Variants in EPB41L1 observed in about 807,000 individuals in gnomAD.
The protein encoded by EPB41L1 is band 4.1-like protein 1.
A neutral mutation model predicts 97.8 loss-of-function variants in EPB41L1; 29 were observed. The ratio of observed to expected loss-of-function variants is 0.30; its 90% CI spans 0.22 to 0.40. The LOEUF (loss-of-function observed/expected upper bound fraction) is 0.40, where lower values mean the gene tolerates loss of function less well. Ranked by LOEUF, EPB41L1 falls within the 10% of genes least tolerant of loss-of-function variation. The probability of loss-of-function intolerance (pLI) is 1.00; values close to 1 mark genes in which losing one functional copy is unlikely to be tolerated. For missense variants in EPB41L1, 812 were observed against 1,162.3 expected, an observed-to-expected ratio of 0.70 and a Z score of 4.38; for synonymous variants, 383 against 459.2, an observed-to-expected ratio of 0.83 and a Z score of 2.12.
chr20:36,223,873 T>A (rs1423523957), intron 21 of EPB41L1, among the ~76,000 whole-genome samples: 1 of 152,186 alleles, frequency 6.6e-6, no homozygotes, highest in East Asian at 1.9e-4. Flanking sequence ...CTTCACACAT[T>A]TCATGGGCTC....
chr20:36,179,632 C>T (rs1204882927), intron 5 of EPB41L1, among the ~76,000 whole-genome samples: 2 of 152,228 alleles, frequency 1.3e-5, no homozygotes, highest in Non-Finnish European at 2.9e-5. Context: ...GGAGACCTGG[C>T]GCCTCGAGGC....
chr20:36,109,938 G>GTT (rs35320427), intron 1 of EPB41L1: 18 of 137,256 alleles, frequency 1.3e-4, no homozygotes, highest in Middle Eastern at 3.8e-3. Context: ...TCTTGACATT[G>GTT]TTTTTTTTTT....
intron 21 of EPB41L1, among the ~76,000 whole-genome samples, chr20:36,222,739 C>T (rs985796898): frequency 6.6e-6 from 1 of 152,144 alleles, no homozygotes; most frequent in African/African-American, 2.4e-5. Context: ...TCCTCATTAT[C>T]TCCTTGGGCA....
chr20:36,223,677 A>T (rs1199705516), intron 21 of EPB41L1, among the ~76,000 whole-genome samples: 1 of 152,184 alleles, frequency 6.6e-6, no homozygotes, highest in East Asian at 1.9e-4. Context: ...CTGATTTTCT[A>T]TCTGAGAAAA....
At chr20:36,228,787 C>T (rs1027157196) in intron 21 of EPB41L1, among the ~76,000 whole-genome samples, 4 of 151,992 alleles carry the variant, frequency 2.6e-5, no homozygotes, top group Non-Finnish European at 2.9e-5. Context: ...AGCAAGCCCA[C>T]GGACAACAGA....
chr20:36,178,666 A>T lies in EPB41L1; in HGVS notation c.484A>T (p.Ile162Phe). 6.2e-7 allele frequency: 1 copy of T among 1,614,108 alleles called. No individual in the cohort carries two copies. Among genetic ancestry groups the T allele is most frequent in the Non-Finnish European group, 8.5e-7 (1 of 1,179,984 alleles). Residue 162 changes from isoleucine (I) to phenylalanine (F), a missense_variant, in exon 5 of 22, where the codon ATC (isoleucine) becomes TTC (phenylalanine). Ile to Phe is a conservative substitution (Grantham distance 21). Coordinates refer to ENST00000338074, the MANE Select transcript of EPB41L1 (RefSeq NM_012156.2). ...CCCCTCCAAGGAGATCAAGAAGCAG[A>T]TCCGGAGTGAGTGGCTTGTTGTGTT... is the stretch of plus-strand genomic sequence containing the variant. ...LDPSKEIKKQ[I>F]RSSPWNFAFT...
intron 2 of EPB41L1, among the ~76,000 whole-genome samples, chr20:36,131,691 G>C (rs896520085): frequency 3.9e-5 from 6 of 152,138 alleles, no homozygotes; most frequent in Admixed American, 2.0e-4. Context: ...GGTAAGCCAG[G>C]ATGACAATGG....
chr20:36,134,143 C>T (rs982033698), intron 2 of EPB41L1, among the ~76,000 whole-genome samples: 9 of 152,050 alleles, frequency 5.9e-5, no homozygotes, highest in Non-Finnish European at 1.2e-4. Context: ...GGGATTTGAA[C>T]CCAGGTCTGT....
chr20:36,099,002 C>G (rs2057922667), intron 1 of EPB41L1, among the ~76,000 whole-genome samples: 1 of 152,126 alleles, frequency 6.6e-6, no homozygotes, highest in Admixed American at 6.5e-5. Context: ...AACGCTGTCT[C>G]TACTAAAAAT....
intron 13 of EPB41L1, among the ~76,000 whole-genome samples, chr20:36,197,343 G>A (rs181025477): frequency 6.4e-4 from 98 of 152,334 alleles, no homozygotes; most frequent in Non-Finnish European, 1.2e-3. Flanking sequence ...TAAGTACAGT[G>A]GCCCAAGTCT....
intron 2 of EPB41L1, among the ~76,000 whole-genome samples, chr20:36,119,517 G>C (rs375275229): frequency 6.6e-6 from 1 of 152,114 alleles, no homozygotes; most frequent in Non-Finnish European, 1.5e-5. Context: ...CAGGAGAATC[G>C]CTTGAACCTG....
At chr20:36,224,970 T>C (rs1393773858) in intron 21 of EPB41L1, among the ~76,000 whole-genome samples, 1 of 152,136 alleles carries the variant, frequency 6.6e-6, no homozygotes, top group East Asian at 1.9e-4. Flanking sequence ...TACAGGCGTG[T>C]GCTACCACAC....
At chr20:36,218,759 G>A in intron 17 of EPB41L1, 117 bp from the exon 18 acceptor site, 1 of 923,322 alleles carries the variant, frequency 1.1e-6, no homozygotes, top group East Asian at 2.6e-5. Context: ...TCAGTCCTTT[G>A]CTTCTATTAT....
rs141870527 is a variant in EPB41L1, at chr20:36,172,299, G to A, written c.-14-1465G>A. ...TCACCATGTTGGCCAGGCTAGTCTC[G>A]AACTCCTGACCTCAGGTGATCTGCC... On this transcript the variant is annotated intron_variant, in intron 1 of 21. Transcript: ENST00000338074. 7.3e-3 allele frequency among the ~76,000 whole-genome samples: 1,115 copies of A among 151,960 alleles called. 13 individuals carry two copies. Among genetic ancestry groups the A allele is most frequent in the African/African-American group, 0.025 (1,056 of 41,462 alleles).
At chr20:36,219,159 C>A (rs2063623795) in intron 18 of EPB41L1, among the ~76,000 whole-genome samples, 197 bp downstream of exon 18, 1 of 152,204 alleles carries the variant, frequency 6.6e-6, no homozygotes, top group African/African-American at 2.4e-5. Flanking sequence ...GCCCTCCCCA[C>A]CGCCCACACA....
rs2063017890 is a variant in EPB41L1 at position 36,209,632 on chromosome 20, T to C, written c.1813T>C (p.Cys605Arg). The C allele has an allele frequency of 6.2e-7, 1 of 1,614,040 alleles. No homozygotes were observed. The highest frequency in any genetic ancestry group is 1.1e-5 in the South Asian group (1 of 91,078). ...KDNHLAIERK[C>R]SSITVSSTSS... ...CAACCACCTGGCCATTGAGCGCAAG[T>C]GCTCCAGCATCACGGTCAGCTCTAC... The change falls in exon 15 of 22, where the codon TGC (cysteine) becomes CGC (arginine). Residue 605 changes from cysteine to arginine, a missense_variant. Around this residue, in one of 3 missense-constraint regions of EPB41L1, gnomAD observed 498 missense variants for 622.7 expected, o/e 0.80. Transcript: ENST00000338074. This position sits in a 1 kb window ranked among gnomAD's most constrained non-coding sequence, Gnocchi z 4.2.
Position 36,189,660 on chromosome 20 carries a change from C to T in EPB41L1, c.1027-617C>T, listed in dbSNP as rs1300075491. 1.3e-5 allele frequency among the ~76,000 whole-genome samples: 2 copies of T among 152,206 alleles called. 1 individual carries two copies. The highest frequency in any genetic ancestry group is 4.1e-4 in the South Asian group (2 of 4,830). On this transcript the variant is annotated intron_variant, in intron 9 of 21. Transcript: ENST00000338074. ...GCTCTTCCTTAGATGACAGGAGCCC[C>T]TATGCCTTCCCAGTTCTGCTGCACC...
intron 1 of EPB41L1, among the ~76,000 whole-genome samples, chr20:36,159,025 T>C (rs1438248803): frequency 6.6e-6 from 1 of 152,092 alleles, no homozygotes; most frequent in Non-Finnish European, 1.5e-5. Context: ...ACCTTAACTG[T>C]GGGGACTTGG....
rs777655529 is a variant in EPB41L1, at chr20:36,221,961, C to T, written c.2520+17C>T. ...CAAGACCAGGTATGGGGGTAGCAAC[C>T]GTTCTTCCCAGTGCCACTGCCCAGT... is the stretch of plus-strand genomic sequence containing the variant. On this transcript the variant is annotated intron_variant, in intron 20 of 21. Coordinates refer to ENST00000338074, the MANE Select transcript of EPB41L1 (RefSeq NM_012156.2). 2.4e-5 allele frequency: 38 copies of T among 1,613,334 alleles called. No homozygotes were observed. The highest frequency in any genetic ancestry group is 2.9e-5 in the Non-Finnish European group (34 of 1,179,430).
Sources: allele counts gnomAD v4.1 joint callset (sites outside exome capture counted in the v4.1 genomes callset), GRCh38; gene constraint gnomAD v4.1.1; regional missense constraint gnomAD v4.1.1; non-coding constraint Gnocchi (gnomAD v3.1); transcripts MANE v1.5; gene names NCBI Gene and HGNC (gene_info 2026-07-23, HGNC 2026-07-21).